The following TECPR2 variants were observed in gnomAD, a reference collection of about 807,000 sequenced individuals.
TECPR2 encodes the protein tectonin beta-propeller repeat containing 2, also known as tectonin beta-propeller repeat-containing protein 2.
Under a neutral mutation model 138.1 loss-of-function variants are expected in TECPR2, and 65 were observed. That is an observed-to-expected ratio of 0.47 (90% confidence interval 0.39 to 0.58). The LOEUF (loss-of-function observed/expected upper bound fraction) is 0.58. Ranked by LOEUF, TECPR2 falls within the 20% of genes least tolerant of loss-of-function variation. The pLI is 0.00. For missense variants in TECPR2, 1,553 were observed against 1,824.5 expected (o/e 0.85, Z 2.71); for synonymous variants, 746 against 749.8 (o/e 0.99, Z 0.08).
At chr14:102,387,801 C>T (rs1888052532) in intron 2 of TECPR2, among the ~76,000 whole-genome samples, 1 of 152,320 alleles carries the variant, frequency 6.6e-6, no homozygotes, top group South Asian at 2.1e-4. Context: ...GCTGGGATTA[C>T]AGGCGTGAGC....
chr14:102,444,616 A>G (rs1889920542), intron 12 of TECPR2, among the ~76,000 whole-genome samples: 1 of 152,116 alleles, frequency 6.6e-6, no homozygotes, highest in Non-Finnish European at 1.5e-5. Context: ...CCTTTGAAAA[A>G]CTAGATTAGG....
chr14:102,368,452 C>A (rs1361458885), intron 1 of TECPR2, among the ~76,000 whole-genome samples: 2 of 152,134 alleles, frequency 1.3e-5, no homozygotes, highest in African/African-American at 4.8e-5. Flanking sequence ...TCGATCTTCC[C>A]ACCCCAGCCT....
At chr14:102,417,613 C>T (rs1830024923) in intron 5 of TECPR2, among the ~76,000 whole-genome samples, 3 of 152,164 alleles carry the variant, frequency 2.0e-5, no homozygotes, top group South Asian at 4.1e-4. Context: ...ATTCCAGGCT[C>T]AGGGAACAGC....
rs1888978085 is a variant in TECPR2, at chr14:102,414,855, A to T, written c.638+62A>T. ...TGGGCCTTGTTGTAGAAGGTGCTTT[A>T]GGGTTTCTTAGGTCTCCTGTTTGCC... is the stretch of plus-strand genomic sequence containing the variant. On this transcript the variant is annotated intron_variant, in intron 5 of 19. Coordinates refer to ENST00000359520, the MANE Select transcript of TECPR2 (RefSeq NM_014844.5). The T allele has an allele frequency of 1.5e-5, 24 of 1,574,780 alleles. No individual in the cohort carries two copies. In the South Asian group the frequency reaches 2.8e-4, roughly 18 times the overall value.
intron 2 of TECPR2, among the ~76,000 whole-genome samples, chr14:102,392,231 G>A (rs1003611714): frequency 3.9e-5 from 6 of 152,116 alleles, no homozygotes; most frequent in African/African-American, 1.4e-4. Flanking sequence ...GACCTCAGGT[G>A]ATTCACCTGC....
At chr14:102,367,753 A>G (rs990577598) in intron 1 of TECPR2, among the ~76,000 whole-genome samples, 8 of 152,278 alleles carry the variant, frequency 5.3e-5, no homozygotes, top group South Asian at 2.1e-4. Flanking sequence ...TATCATTTCT[A>G]TTGGGCATAA....
At position 102,499,089 on chromosome 14, in the gene TECPR2, C is replaced by G. The variant is rs1293656763; in HGVS notation, c.*832C>G. ...ACACACGGCGCAGGCTGCCCGCCTC[C>G]TGGAGAGCACACTTCAGCTGAAACA... On this transcript the variant is annotated 3_prime_UTR_variant, in exon 20 of 20. Transcript: ENST00000359520. 1 of 702,996 alleles carries G rather than the reference C, an allele frequency of 1.4e-6. No individual in the cohort carries two copies. Among genetic ancestry groups the G allele is most frequent in the Non-Finnish European group, 2.6e-6 (1 of 384,970 alleles). 43.5% of individuals were successfully genotyped at this position (702,996 alleles called of 1,614,324 possible).
chr14:102,446,097 C>G, intron 13 of TECPR2, 150 bp downstream of exon 13: 2 of 1,100,402 alleles, frequency 1.8e-6, no homozygotes. Context: ...AACAAGATCT[C>G]CTTCCGTCAT....
At chr14:102,422,134 G>T (rs1889200022) in intron 5 of TECPR2, among the ~76,000 whole-genome samples, 3 of 152,168 alleles carry the variant, frequency 2.0e-5, no homozygotes. Context: ...ACTGCATCCT[G>T]AGTGTCCGTG....
At chr14:102,449,604 G>A (rs1890083857) in intron 13 of TECPR2, 25 bp from the exon 14 acceptor site, 2 of 1,611,976 alleles carry the variant, frequency 1.2e-6, no homozygotes, top group Non-Finnish European at 8.5e-7. Flanking sequence ...TGACAGCAGG[G>A]CTTTTGCTTG....
chr14:102,431,845 G>A lies in TECPR2; in HGVS notation c.1134G>A (p.Gln378=), dbSNP rs751733421. ...MSGCSERVHV[Q]QAEKLPGATV... is the part of the protein sequence containing the mutation. Reference sequence around the variant, plus strand: ...GATGCTCAGAGCGTGTCCACGTGCAGCAAGCGGAGAAGCTGCCAGGGGCCA... The same window carrying A: ...GATGCTCAGAGCGTGTCCACGTGCAACAAGCGGAGAAGCTGCCAGGGGCCA... The change falls in exon 8 of 20, where the codon CAG becomes CAA. Residue 378 remains glutamine (Q), a synonymous_variant. Transcript: ENST00000359520. 1.3e-6 allele frequency: 2 copies of A among 1,598,400 alleles called. No homozygotes were observed. The highest frequency in any genetic ancestry group is 4.5e-5 in the East Asian group (2 of 44,420).
intron 7 of TECPR2, among the ~76,000 whole-genome samples, chr14:102,428,616 G>C (rs913347499): frequency 3.9e-5 from 6 of 152,010 alleles, no homozygotes; most frequent in African/African-American, 1.4e-4. Flanking sequence ...CAAAAAACTA[G>C]CCAGGCGTGG....
intron 17 of TECPR2, among the ~76,000 whole-genome samples, chr14:102,469,756 T>C (rs1203534632): frequency 1.3e-5 from 2 of 152,148 alleles, no homozygotes; most frequent in African/African-American, 4.8e-5. Flanking sequence ...TAGAAGGAAT[T>C]CTAGGAGTTC....
chr14:102,393,573 T>G (rs1280778617), intron 2 of TECPR2, among the ~76,000 whole-genome samples: 1 of 152,204 alleles, frequency 6.6e-6, no homozygotes, highest in African/African-American at 2.4e-5. Flanking sequence ...ATTTATTTAT[T>G]TTTGAGACGG....
At position 102,367,957 on chromosome 14, in the gene TECPR2, G is replaced by A. The variant is rs78776835; in HGVS notation, c.-73+4841G>A. ...GTTTCGATTTGCATTTCCCTGATGA[G>A]TAATGGTGCTGAACATCTTTTTATG... On this transcript the variant is annotated intron_variant, in intron 1 of 19. Transcript: ENST00000359520. 6.3e-3 allele frequency among the ~76,000 whole-genome samples: 874 copies of A among 137,886 alleles called. 10 individuals carry two copies. Among genetic ancestry groups the A allele is most frequent in the African/African-American group, 0.023 (843 of 36,908 alleles). 90.5% of individuals were successfully genotyped at this position (137,886 alleles called of 152,430 possible).
At chr14:102,387,657 G>C (rs1290733676) in intron 2 of TECPR2, among the ~76,000 whole-genome samples, 2 of 152,052 alleles carry the variant, frequency 1.3e-5, no homozygotes, top group Non-Finnish European at 2.9e-5. Flanking sequence ...CTCCCGAGTA[G>C]CTGGGACCAC....
chr14:102,379,598 TCA>T (rs1233037668), intron 2 of TECPR2, among the ~76,000 whole-genome samples: 1 of 149,596 alleles, frequency 6.7e-6, no homozygotes, highest in Non-Finnish European at 1.5e-5. Context: ...CTGCTGAAGA[TCA>T]CAGTCTTAAA....
At chr14:102,388,225 G>A (rs1299859173) in intron 2 of TECPR2, among the ~76,000 whole-genome samples, 4 of 152,086 alleles carry the variant, frequency 2.6e-5, no homozygotes, top group Non-Finnish European at 5.9e-5. Context: ...AGGGCTTCAC[G>A]GGTGTCCTTC....
rs867529003 is a variant in TECPR2, at chr14:102,458,972, T to C, written c.3641-6169T>C. ...AAAAAAAAAAAAATACACACATATA[T>C]ATATATATATATATATATGTAATTT... On this transcript the variant is annotated intron_variant, in intron 16 of 19. Coordinates refer to ENST00000359520, the MANE Select transcript of TECPR2 (RefSeq NM_014844.5). 8.1e-3 allele frequency among the ~76,000 whole-genome samples: 1,191 copies of C among 147,778 alleles called. 7 individuals are homozygous for C. The highest frequency in any genetic ancestry group is 0.025 in the Middle Eastern group (7 of 280).
Sources: gnomAD v4.1 joint callset for allele counts (sites outside exome capture counted in the v4.1 genomes callset) on GRCh38, gnomAD v4.1.1 for gene constraint, MANE v1.5 for transcripts, NCBI Gene and HGNC (gene_info 2026-07-23, HGNC 2026-07-21) for gene names.